Variants in RIMS2 observed in about 807,000 individuals in gnomAD.
RIMS2 encodes regulating synaptic membrane exocytosis 2.
RIMS2 carries 59 observed loss-of-function variants against 174.4 expected under a neutral mutation model. The ratio of observed to expected loss-of-function variants is 0.34; its 90% CI spans 0.27 to 0.42. The LOEUF is 0.42. Ranked by LOEUF, RIMS2 falls within the 10% of genes least tolerant of loss-of-function variation. The pLI is 1.00. For synonymous variants in RIMS2, 606 were observed against 572.5 expected, an observed-to-expected ratio of 1.06 and a Z score of -0.84; for missense variants, 1,620 against 1,666.3, an observed-to-expected ratio of 0.97 and a Z score of 0.48.
downstream of RIMS2, chr8:104,254,518 T>C (rs2099365470): frequency 6.6e-6 from 1 of 152,206 alleles, no homozygotes; most frequent in African/African-American, 2.4e-5. Flanking sequence ...ATTTAAAGAA[T>C]GAAATCACCG....
chr8:103,755,123 G>C (rs750761478), intron 2 of RIMS2, among the ~76,000 whole-genome samples: 8 of 152,082 alleles, frequency 5.3e-5, no homozygotes, highest in Admixed American at 3.9e-4. Flanking sequence ...AGACAGGCCT[G>C]GTGGTGACAA....
At chr8:103,947,649 A>G (rs185403867) in intron 14 of RIMS2, among the ~76,000 whole-genome samples, 1 of 152,352 alleles carries the variant, frequency 6.6e-6, no homozygotes, top group Admixed American at 6.5e-5. Flanking sequence ...ACTTATCATG[A>G]GTGGAGCTTG....
chr8:104,079,290 C>T (rs1049756937), intron 19 of RIMS2, among the ~76,000 whole-genome samples: 18 of 151,842 alleles, frequency 1.2e-4, no homozygotes, highest in African/African-American at 4.1e-4. Context: ...GCTGCCATTG[C>T]CAAGAGTGCA....
intron 3 of RIMS2, among the ~76,000 whole-genome samples, chr8:103,869,859 C>T (rs1311743866): frequency 6.6e-6 from 1 of 152,072 alleles, no homozygotes; most frequent in Admixed American, 6.5e-5. Context: ...ATAAACAGAA[C>T]AGTGGTAGAG....
chr8:103,834,983 C>T (rs1407468687), intron 3 of RIMS2, among the ~76,000 whole-genome samples: 7 of 151,668 alleles, frequency 4.6e-5, no homozygotes, highest in South Asian at 2.1e-4. Flanking sequence ...GTTGTCCAGG[C>T]GGGTCTTGAA....
intron 19 of RIMS2, among the ~76,000 whole-genome samples, chr8:104,109,206 A>T (rs2098131891): frequency 6.7e-6 from 1 of 149,736 alleles, no homozygotes; most frequent in Admixed American, 6.7e-5. Context: ...CCGAGGCAGG[A>T]GAATGGCATG....
intron 23 of RIMS2, among the ~76,000 whole-genome samples, 174 bp from the exon 30 acceptor site, chr8:104,251,428 C>T (rs72667409): frequency 0.093 from 14,198 of 152,220 alleles, 821 homozygotes; most frequent in African/African-American, 0.16. Context: ...ACAATTTCCC[C>T]AGTGTACCTT....
chr8:103,888,432 A>C (rs1231090397), intron 4 of RIMS2, among the ~76,000 whole-genome samples: 1 of 151,408 alleles, frequency 6.6e-6, no homozygotes, highest in Non-Finnish European at 1.5e-5. Flanking sequence ...AAGTATATTT[A>C]ATAATCTTTA....
At chr8:104,243,651 A>G (rs2099314617) in intron 19 of RIMS2, among the ~76,000 whole-genome samples, 1 of 152,210 alleles carries the variant, frequency 6.6e-6, no homozygotes, top group Non-Finnish European at 1.5e-5. Context: ...GTGCCACTGC[A>G]CTTCAGCCTG....
chr8:103,513,370 T>C (rs1196374701), intron 1 of RIMS2, among the ~76,000 whole-genome samples: 3 of 152,188 alleles, frequency 2.0e-5, no homozygotes, highest in African/African-American at 7.2e-5. Context: ...AAAATGAAGA[T>C]TGAAAACACA....
At chr8:104,135,772 G>A (rs2098514677) in intron 19 of RIMS2, among the ~76,000 whole-genome samples, 1 of 152,064 alleles carries the variant, frequency 6.6e-6, no homozygotes, top group African/African-American at 2.4e-5. Flanking sequence ...TGAAATGATG[G>A]GCTGTGGAAT....
intron 1 of RIMS2, among the ~76,000 whole-genome samples, chr8:103,664,510 A>G (rs913635959): frequency 3.9e-5 from 6 of 152,224 alleles, no homozygotes; most frequent in African/African-American, 1.4e-4. Context: ...TTATCTGGCC[A>G]ACAAACATGA....
At chr8:104,143,525 GGCTCAGGAA>G (rs1181188270) in intron 19 of RIMS2, among the ~76,000 whole-genome samples, 1 of 152,146 alleles carries the variant, frequency 6.6e-6, no homozygotes, top group African/African-American at 2.4e-5. Flanking sequence ...TGTGGCACCT[GGCTCAGGAA>G]GCACAACAGT....
chr8:103,782,353 T>C (rs1326739979), intron 3 of RIMS2, among the ~76,000 whole-genome samples: 1 of 152,136 alleles, frequency 6.6e-6, no homozygotes, highest in Admixed American at 6.6e-5. Flanking sequence ...GTGTCATATT[T>C]GTTTAGTCTG....
intron 19 of RIMS2, among the ~76,000 whole-genome samples, chr8:104,087,885 G>A (rs114386577): frequency 3.5e-4 from 53 of 152,152 alleles, no homozygotes; most frequent in African/African-American, 1.3e-3. Flanking sequence ...CTTTACTGCA[G>A]ACTCCTTCCT....
At chr8:103,856,838 G>A (rs2099030083) in intron 3 of RIMS2, among the ~76,000 whole-genome samples, 1 of 150,812 alleles carries the variant, frequency 6.6e-6, no homozygotes, top group Non-Finnish European at 1.5e-5. Flanking sequence ...AAGGAGTCTC[G>A]CTTTGTCGCC....
At chr8:103,934,948 C>T (rs983412624) in intron 12 of RIMS2, among the ~76,000 whole-genome samples, 6 of 152,084 alleles carry the variant, frequency 3.9e-5, no homozygotes, top group East Asian at 3.9e-4. Flanking sequence ...CCACCCGCCT[C>T]GGCCTCCCAA....
At chr8:103,941,951 G>A (rs1000660823) in intron 13 of RIMS2, among the ~76,000 whole-genome samples, 23 of 152,060 alleles carry the variant, frequency 1.5e-4, no homozygotes, top group Non-Finnish European at 2.5e-4. Flanking sequence ...AGAGAATATG[G>A]CACGGTTCTT....
At chr8:103,837,257 GA>G (rs2098902522) in intron 3 of RIMS2, among the ~76,000 whole-genome samples, 1 of 152,162 alleles carries the variant, frequency 6.6e-6, no homozygotes, top group African/African-American at 2.4e-5. Flanking sequence ...AAGCTCTTGG[GA>G]AGAACGTACT....
Sources: gnomAD v4.1 joint callset for allele counts (sites outside exome capture counted in the v4.1 genomes callset) on GRCh38, gnomAD v4.1.1 for gene constraint, MANE v1.5 for transcripts, NCBI Gene and HGNC (gene_info 2026-07-23, HGNC 2026-07-21) for gene names.